The following IMMP2L variants were observed in gnomAD, a reference collection of about 807,000 sequenced individuals.
IMMP2L encodes mitochondrial inner membrane protease subunit 2.
Under a neutral mutation model 19.3 loss-of-function variants are expected in IMMP2L, and 18 were observed. That is an observed-to-expected ratio of 0.93 (90% CI 0.64 to 1.38). IMMP2L has a LOEUF of 1.38. Ranked by LOEUF, IMMP2L falls within the 40% of genes most tolerant of loss-of-function variation. The pLI is 0.00. For missense variants in IMMP2L, 233 were observed against 218.2 expected (o/e 1.07, Z -0.43); for synonymous variants, 76 against 73.0 (o/e 1.04, Z -0.21).
At chr7:110,815,598 G>T (rs1476059810) in intron 5 of IMMP2L, among the ~76,000 whole-genome samples, 1 of 152,042 alleles carries the variant, frequency 6.6e-6, no homozygotes, top group Admixed American at 6.6e-5. Context: ...TCTGGTCCTG[G>T]ACTTTTTTTG....
intron 4 of IMMP2L, among the ~76,000 whole-genome samples, chr7:110,958,915 C>T (rs1818647787): frequency 6.6e-6 from 1 of 151,994 alleles, no homozygotes. Flanking sequence ...AAATGGAAGT[C>T]CTGCAACACT....
intron 5 of IMMP2L, among the ~76,000 whole-genome samples, chr7:110,817,668 C>G (rs920981603): frequency 1.3e-5 from 2 of 151,972 alleles, no homozygotes; most frequent in Non-Finnish European, 2.9e-5. Context: ...AATCCTAACC[C>G]AAAAGAACAA....
intron 3 of IMMP2L, among the ~76,000 whole-genome samples, chr7:111,279,234 C>T (rs572578524): frequency 3.9e-5 from 6 of 152,160 alleles, no homozygotes; most frequent in Non-Finnish European, 7.4e-5. Flanking sequence ...AAAGTTGGAA[C>T]TAATGTGGTC....
chr7:111,489,476 G>A (rs976290647), intron 2 of IMMP2L, among the ~76,000 whole-genome samples: 1 of 152,154 alleles, frequency 6.6e-6, no homozygotes, highest in South Asian at 2.1e-4. Context: ...TTCACTGAGG[G>A]GCTGATGACA....
At chr7:110,755,802 GCTACAGC>G (rs1798004917) in intron 5 of IMMP2L, among the ~76,000 whole-genome samples, 2 of 152,188 alleles carry the variant, frequency 1.3e-5, no homozygotes, top group South Asian at 4.1e-4. Flanking sequence ...AACATCAGGT[GCTACAGC>G]CTGGAGGGAT....
At chr7:110,690,714 A>G (rs1793434137) in intron 5 of IMMP2L, among the ~76,000 whole-genome samples, 1 of 152,140 alleles carries the variant, frequency 6.6e-6, no homozygotes, top group South Asian at 2.1e-4. Context: ...TAATTGCTGT[A>G]AAAACAAACC....
At chr7:111,313,657 AAAATC>A (rs1477609922) in intron 3 of IMMP2L, among the ~76,000 whole-genome samples, 1 of 152,138 alleles carries the variant, frequency 6.6e-6, no homozygotes, top group Non-Finnish European at 1.5e-5. Flanking sequence ...TTACAGATGT[AAAATC>A]AACTATAGGA....
chr7:111,489,505 A>T (rs1044420995), intron 2 of IMMP2L, among the ~76,000 whole-genome samples: 1 of 152,146 alleles, frequency 6.6e-6, no homozygotes, highest in African/African-American at 2.4e-5. Flanking sequence ...TGGAGACACA[A>T]CAACAACCAG....
chr7:110,845,800 A>C (rs558642062), intron 5 of IMMP2L, among the ~76,000 whole-genome samples: 1 of 152,274 alleles, frequency 6.6e-6, no homozygotes, highest in Admixed American at 6.5e-5. Flanking sequence ...TGAGGTATTT[A>C]GGAGGTAATT....
intron 3 of IMMP2L, among the ~76,000 whole-genome samples, chr7:111,108,168 A>T (rs1403870260): frequency 6.6e-6 from 1 of 152,272 alleles, no homozygotes; most frequent in South Asian, 2.1e-4. Flanking sequence ...TTGTTGATGT[A>T]TTCCATTTGA....
chr7:111,085,205 T>A (rs947254377), intron 3 of IMMP2L, among the ~76,000 whole-genome samples: 2 of 152,240 alleles, frequency 1.3e-5, no homozygotes, highest in Non-Finnish European at 2.9e-5. Context: ...ATAGTGAGAT[T>A]ACTTTTGTTC....
At chr7:110,950,860 A>ATATATATG (rs1554470807) in intron 4 of IMMP2L, among the ~76,000 whole-genome samples, 3 of 138,810 alleles carry the variant, frequency 2.2e-5, no homozygotes, top group African/African-American at 5.9e-5. Context: ...ATATATATAT[A>ATATATATG]TATATATATA....
intron 3 of IMMP2L, among the ~76,000 whole-genome samples, chr7:111,207,017 T>C (rs1432842555): frequency 6.6e-6 from 1 of 152,210 alleles, no homozygotes; most frequent in Non-Finnish European, 1.5e-5. Context: ...AAAAACATTT[T>C]TAAGATTTTT....
At chr7:111,522,463 CA>C (rs1212836756) in intron 1 of IMMP2L, among the ~76,000 whole-genome samples, 5 of 152,068 alleles carry the variant, frequency 3.3e-5, no homozygotes, top group Non-Finnish European at 5.9e-5. Context: ...AATTCAATAG[CA>C]AAAAGACAAC....
At chr7:110,749,929 A>G (rs1161811729) in intron 5 of IMMP2L, among the ~76,000 whole-genome samples, 1 of 152,020 alleles carries the variant, frequency 6.6e-6, no homozygotes, top group Non-Finnish European at 1.5e-5. Context: ...ATTATGTTAA[A>G]CTTCAGATTA....
At chr7:111,364,510 C>T (rs549834646) in intron 3 of IMMP2L, among the ~76,000 whole-genome samples, 2 of 151,708 alleles carry the variant, frequency 1.3e-5, no homozygotes, top group South Asian at 4.2e-4. Flanking sequence ...AATGAGGATG[C>T]TATAGTCCCA....
chr7:110,956,265 A>T (rs899908351), intron 4 of IMMP2L, among the ~76,000 whole-genome samples: 1 of 152,048 alleles, frequency 6.6e-6, no homozygotes, highest in African/African-American at 2.4e-5. Flanking sequence ...AAGACTCATG[A>T]TTCTCTATTT....
intron 4 of IMMP2L, among the ~76,000 whole-genome samples, chr7:110,901,434 A>T (rs1264352293): frequency 6.6e-6 from 1 of 152,128 alleles, no homozygotes; most frequent in Non-Finnish European, 1.5e-5. Flanking sequence ...TACTATCTTA[A>T]ATTGAAAAGG....
At chr7:111,240,315 CTTAT>C (rs1366112072) in intron 3 of IMMP2L, among the ~76,000 whole-genome samples, 19 of 152,014 alleles carry the variant, frequency 1.2e-4, no homozygotes, top group African/African-American at 4.3e-4. Context: ...AATAACTTGA[CTTAT>C]TTAAGTTTGA....
Sources: gnomAD v4.1 joint callset for allele counts (sites outside exome capture counted in the v4.1 genomes callset) on GRCh38, gnomAD v4.1.1 for gene constraint, MANE v1.5 for transcripts, NCBI Gene and HGNC (gene_info 2026-07-23, HGNC 2026-07-21) for gene names.